Variants in COL4A6 observed in about 807,000 individuals in gnomAD.
COL4A6 encodes the protein collagen alpha-6(IV) chain.
In COL4A6, 59 loss-of-function variants were observed where a neutral mutation model predicts 126.7. The observed-to-expected ratio is 0.47, with a 90% CI of 0.38 to 0.58. COL4A6 has a LOEUF of 0.58. COL4A6 is among the 20% of genes least tolerant of loss of function. COL4A6 has a pLI of 0.00. For synonymous variants in COL4A6, 547 were observed against 496.6 expected (o/e 1.10, Z -1.35); for missense variants, 1,285 against 1,337.3 (o/e 0.96, Z 0.61).
intron 2 of COL4A6, among the ~76,000 whole-genome samples, chrX:108,393,934 C>T (rs2040896086): frequency 9.0e-6 from 1 of 111,355 alleles, no homozygotes; most frequent in Non-Finnish European, 1.9e-5. Flanking sequence ...GGTATGTACC[C>T]AAAGGATTAT....
intron 2 of COL4A6, among the ~76,000 whole-genome samples, chrX:108,425,382 A>G (rs2064058042): frequency 9.0e-6 from 1 of 111,154 alleles, no homozygotes; most frequent in Non-Finnish European, 1.9e-5. Flanking sequence ...TCACTATTAC[A>G]TCAGGATTTT....
At chrX:108,268,407 C>T (rs1313606440) in intron 3 of COL4A6, 7 of 112,488 alleles carry the variant, frequency 6.2e-5, no homozygotes, top group African/African-American at 2.3e-4. Context: ...CTCACAACAA[C>T]CATATGAGGG....
intron 31 of COL4A6, among the ~76,000 whole-genome samples, chrX:108,174,102 C>G (rs189802959): frequency 8.0e-5 from 9 of 112,228 alleles, no homozygotes; most frequent in Non-Finnish European, 1.5e-4. Flanking sequence ...TTGATGTCAG[C>G]AGTGATAAGT....
At chrX:108,347,878 G>C (rs2039745119) in intron 2 of COL4A6, among the ~76,000 whole-genome samples, 1 of 109,382 alleles carries the variant, frequency 9.1e-6, no homozygotes, top group Non-Finnish European at 1.9e-5. Flanking sequence ...CAAGCAGGGA[G>C]GGCAGAAGAA....
chrX:108,386,548 G>A (rs749334645), intron 2 of COL4A6, among the ~76,000 whole-genome samples: 86 of 111,876 alleles, frequency 7.7e-4, no homozygotes, highest in Non-Finnish European at 1.4e-3. Context: ...CATATCGTTC[G>A]CCCACGTTTT....
At chrX:108,371,670 T>C (rs2040330602) in intron 2 of COL4A6, among the ~76,000 whole-genome samples, 1 of 107,647 alleles carries the variant, frequency 9.3e-6, no homozygotes, top group African/African-American at 3.4e-5. Flanking sequence ...GGTGGGAGGA[T>C]TGCTTGGGCC....
At chrX:108,378,965 C>T (rs768749364) in intron 2 of COL4A6, among the ~76,000 whole-genome samples, 1 of 112,390 alleles carries the variant, frequency 8.9e-6, no homozygotes, top group Admixed American at 9.4e-5. Flanking sequence ...TTTGCTGACT[C>T]CTGCCTTAGG....
intron 40 of COL4A6, chrX:108,163,735 T>C (rs1437551217): frequency 8.9e-6 from 1 of 111,943 alleles, no homozygotes; most frequent in Non-Finnish European, 1.9e-5. Flanking sequence ...TGGTATGGGG[T>C]GGAGGCATCT....
intron 2 of COL4A6, among the ~76,000 whole-genome samples, chrX:108,398,065 T>A (rs1479160616): frequency 2.7e-5 from 3 of 111,956 alleles, no homozygotes; most frequent in Non-Finnish European, 5.6e-5. Context: ...TGTTAAAGAG[T>A]AAAACACAAA....
intron 3 of COL4A6, among the ~76,000 whole-genome samples, chrX:108,296,872 A>C (rs2038341756): frequency 8.9e-6 from 1 of 112,127 alleles, no homozygotes; most frequent in Admixed American, 9.5e-5. Context: ...AAAATAATCA[A>C]AGGAATAGTA....
chrX:108,234,103 A>G (rs781031091), intron 3 of COL4A6, among the ~76,000 whole-genome samples: 16 of 111,604 alleles, frequency 1.4e-4, no homozygotes, highest in African/African-American at 4.9e-4. Context: ...ACGTTGGTGA[A>G]GTGCTTCAGA....
Position 108,271,929 on chromosome X carries a change from T to C in COL4A6, c.144+38819A>G, listed in dbSNP as rs187432835. 1.9e-4 allele frequency among the ~76,000 whole-genome samples: 21 copies of C among 112,334 alleles called. No individual in the cohort carries two copies. In the East Asian group the frequency reaches 5.9e-3, roughly 32 times the overall value. ...GGATGTATTTCCTGTATTATCCAGCTGCCTTCGGGTATACACAATAACATC... is the reference window on the plus strand; with the variant it reads ...GGATGTATTTCCTGTATTATCCAGCCGCCTTCGGGTATACACAATAACATC... On this transcript the variant is annotated intron_variant, in intron 3 of 44. Transcript: ENST00000334504.
intron 3 of COL4A6, among the ~76,000 whole-genome samples, chrX:108,222,991 T>C (rs868556476): frequency 8.9e-6 from 1 of 111,921 alleles, no homozygotes; most frequent in Middle Eastern, 4.6e-3. Flanking sequence ...TGGGCCTACA[T>C]CAATGATAGA....
chrX:108,185,391 G>A (rs760274169), intron 23 of COL4A6, among the ~76,000 whole-genome samples: 287 of 83,103 alleles, frequency 3.5e-3, no homozygotes, highest in Middle Eastern at 6.3e-3. Flanking sequence ...CTTCATTTCA[G>A]AAAAAAAAAA....
At chrX:108,406,319 C>T (rs1461940144) in intron 2 of COL4A6, among the ~76,000 whole-genome samples, 1 of 111,948 alleles carries the variant, frequency 8.9e-6, no homozygotes, top group African/African-American at 3.2e-5. Flanking sequence ...GCCCTTCCTC[C>T]TGACCTTATC....
chrX:108,381,872 ACT>A (rs1184222743), intron 2 of COL4A6, among the ~76,000 whole-genome samples: 1 of 110,519 alleles, frequency 9.0e-6, no homozygotes, highest in Non-Finnish European at 1.9e-5. Context: ...ATTTGAATCT[ACT>A]CTTTCTTCCT....
intron 3 of COL4A6, among the ~76,000 whole-genome samples, chrX:108,262,751 G>A (rs2037199852): frequency 9.0e-6 from 1 of 111,100 alleles, no homozygotes; most frequent in African/African-American, 3.3e-5. Context: ...GACCAATCAC[G>A]GATTGGTGGT....
At chrX:108,298,795 C>A (rs1189768706) in intron 3 of COL4A6, among the ~76,000 whole-genome samples, 2 of 109,430 alleles carry the variant, frequency 1.8e-5, no homozygotes. Flanking sequence ...ACCTTGGAGG[C>A]CTTCAAGTCT....
intron 2 of COL4A6, among the ~76,000 whole-genome samples, chrX:108,405,284 T>C (rs1233655232): frequency 9.1e-6 from 1 of 109,750 alleles, no homozygotes; most frequent in Admixed American, 9.7e-5. Flanking sequence ...CTGCAACCTC[T>C]GCCTCCCGGG....
Sources: gnomAD v4.1 joint callset for allele counts (sites outside exome capture counted in the v4.1 genomes callset) on GRCh38, gnomAD v4.1.1 for gene constraint, MANE v1.5 for transcripts, NCBI Gene and HGNC (gene_info 2026-07-23, HGNC 2026-07-21) for gene names.